The following SMIM36 variants were observed in gnomAD, a reference collection of about 807,000 sequenced individuals.
The protein encoded by SMIM36 is small integral membrane protein 36.
At chr17:55,478,358 C>T (rs995751554) in intron 3 of SMIM36, among the ~76,000 whole-genome samples, 3 of 151,810 alleles carry the variant, frequency 2.0e-5, no homozygotes, top group Non-Finnish European at 4.4e-5. Flanking sequence ...CTCAGCCTCC[C>T]GAGTAGCTGG....
chr17:55,455,519 G>C (rs1909001678), intron 4 of SMIM36, among the ~76,000 whole-genome samples: 1 of 152,178 alleles, frequency 6.6e-6, no homozygotes, highest in Admixed American at 6.5e-5. Context: ...ACTGGGTGCA[G>C]TGGCTCATGC....
chr17:55,495,183 A>G (rs1267523649), intron 1 of SMIM36, among the ~76,000 whole-genome samples: 1 of 152,208 alleles, frequency 6.6e-6, no homozygotes, highest in Non-Finnish European at 1.5e-5. Context: ...CCGGACCTCC[A>G]CCTGTATCTG....
intron 1 of SMIM36, among the ~76,000 whole-genome samples, chr17:55,509,482 T>C (rs568051849): frequency 3.9e-5 from 6 of 152,318 alleles, no homozygotes; most frequent in African/African-American, 1.4e-4. Context: ...ATTATTCGAA[T>C]ATTTCTTGAG....
At chr17:55,491,955 C>T (rs578233662) in intron 1 of SMIM36, among the ~76,000 whole-genome samples, 10 of 152,018 alleles carry the variant, frequency 6.6e-5, no homozygotes, top group African/African-American at 2.2e-4. Flanking sequence ...GTCAGTAGAT[C>T]GAGACCATCC....
intron 1 of SMIM36, among the ~76,000 whole-genome samples, chr17:55,510,593 T>C (rs531509022): frequency 6.6e-6 from 1 of 152,200 alleles, no homozygotes; most frequent in East Asian, 1.9e-4. Context: ...ACTCTGTCTC[T>C]TAAAGAAAAG....
the SMIM36 span, among the ~76,000 whole-genome samples, chr17:55,522,055 AGCCAGC>A: frequency 6.6e-6 from 1 of 152,160 alleles, no homozygotes; most frequent in East Asian, 1.9e-4. Context: ...CTCCATCAAA[AGCCAGC>A]ATTCTTACAC....
chr17:55,501,664 A>AAG (rs1555622608), intron 1 of SMIM36, among the ~76,000 whole-genome samples: 1 of 144,706 alleles, frequency 6.9e-6, no homozygotes, highest in African/African-American at 2.6e-5. Context: ...TTGAATATAT[A>AAG]ATATATATAT....
At chr17:55,484,671 A>C (rs1362697778) in intron 1 of SMIM36, among the ~76,000 whole-genome samples, 2 of 152,262 alleles carry the variant, frequency 1.3e-5, no homozygotes, top group Admixed American at 6.5e-5. Flanking sequence ...AGAACAAATT[A>C]AAGCAGACAG....
intron 1 of SMIM36, among the ~76,000 whole-genome samples, chr17:55,484,110 T>C (rs936690180): frequency 2.0e-5 from 3 of 152,042 alleles, no homozygotes; most frequent in African/African-American, 7.2e-5. Flanking sequence ...TTTATAATGA[T>C]ACAAAATTTT....
chr17:55,502,995 G>A lies in SMIM36; in HGVS notation c.*174+7884C>T, dbSNP rs565371719. 2.2e-4 allele frequency among the ~76,000 whole-genome samples: 33 copies of A among 151,504 alleles called. 1 individual carries two copies. Among genetic ancestry groups the A allele is most frequent in the African/African-American group, 8.1e-4 (33 of 40,942 alleles). ...GTCAGCAATGGAAGACGAAATGAAT[G>A]AAGTGAAGCGAGAAGGGAAGTTTAG... On this transcript the variant is annotated intron_variant, in intron 1 of 4. Coordinates refer to ENST00000636752, the Ensembl canonical transcript of SMIM36.
At chr17:55,531,337 C>T in the SMIM36 span, among the ~76,000 whole-genome samples, 4 of 152,190 alleles carry the variant, frequency 2.6e-5, no homozygotes, top group African/African-American at 9.6e-5. Flanking sequence ...CTCCAATTGT[C>T]ACCTTCTTTT....
At chr17:55,512,403 G>T (rs796538679), upstream of SMIM36, among the ~76,000 whole-genome samples, 2 of 152,230 alleles carry the variant, frequency 1.3e-5, no homozygotes, top group African/African-American at 4.8e-5. Context: ...AGAGCAATGG[G>T]ATGCCATTGA....
At chr17:55,520,248 C>A in the SMIM36 span, among the ~76,000 whole-genome samples, 1 of 152,132 alleles carries the variant, frequency 6.6e-6, no homozygotes, top group Non-Finnish European at 1.5e-5. Context: ...TTTGAGCCCA[C>A]CCAGAAAATC....
chr17:55,471,970 C>T (rs547550151), intron 3 of SMIM36, among the ~76,000 whole-genome samples: 50 of 152,294 alleles, frequency 3.3e-4, no homozygotes, highest in Non-Finnish European at 6.3e-4. Context: ...ATCCTCATCG[C>T]ACCTGTCATA....
intron 1 of SMIM36, among the ~76,000 whole-genome samples, chr17:55,491,108 G>A (rs970177595): frequency 2.0e-5 from 3 of 151,926 alleles, no homozygotes; most frequent in Admixed American, 1.3e-4. Flanking sequence ...TTAGCCTGAT[G>A]TGGTGGTGCT....
At chr17:55,501,220 A>C (rs755797775) in intron 1 of SMIM36, among the ~76,000 whole-genome samples, 125 of 10,052 alleles carry the variant, frequency 0.012, 10 homozygotes, top group African/African-American at 0.02. Flanking sequence ...TATAATATAT[A>C]TTATATATTA....
chr17:55,450,638 T>C (rs1482431133), intron 4 of SMIM36, among the ~76,000 whole-genome samples: 1 of 152,088 alleles, frequency 6.6e-6, no homozygotes, highest in African/African-American at 2.4e-5. Flanking sequence ...GGAACCCGGG[T>C]GCAATACCCA....
At chr17:55,471,616 G>T (rs1307885811) in intron 3 of SMIM36, among the ~76,000 whole-genome samples, 1 of 152,124 alleles carries the variant, frequency 6.6e-6, no homozygotes, top group African/African-American at 2.4e-5. Context: ...AGCTCACAAA[G>T]GGTAACTTAA....
At chr17:55,501,088 C>A (rs908950765) in intron 1 of SMIM36, among the ~76,000 whole-genome samples, 1 of 134 alleles carries the variant, frequency 7.5e-3, no homozygotes, top group Non-Finnish European at 0.014. Context: ...ATATAATATA[C>A]TATTATATTT....
Sources: gnomAD v4.1 joint callset for allele counts (sites outside exome capture counted in the v4.1 genomes callset) on GRCh38, gnomAD v4.1.1 for gene constraint, MANE v1.5 for transcripts, NCBI Gene and HGNC (gene_info 2026-07-23, HGNC 2026-07-21) for gene names.